CMKLR1: variants seen among roughly 807,000 people sequenced by gnomAD.
The protein encoded by CMKLR1 is chemerin chemokine-like receptor 1.
A neutral mutation model predicts 8.2 loss-of-function variants in CMKLR1; 6 were observed. That is an observed-to-expected ratio of 0.73 (90% CI 0.40 to 1.44). The LOEUF is 1.44. Ranked by LOEUF, CMKLR1 falls within the 40% of genes most tolerant of loss-of-function variation. CMKLR1 has a pLI of 0.02. For synonymous variants in CMKLR1, 178 were observed against 181.2 expected (o/e 0.98, Z 0.14); for missense variants, 429 against 478.0 (o/e 0.90, Z 0.96).
chr12:108,324,112 G>T (rs1021424321), intron 2 of CMKLR1, among the ~76,000 whole-genome samples: 1 of 152,190 alleles, frequency 6.6e-6, no homozygotes, highest in African/African-American at 2.4e-5. Context: ...GTCCCCAGTG[G>T]AAAGGTACTT....
chr12:108,307,514 T>G (rs1891440853), intron 2 of CMKLR1, among the ~76,000 whole-genome samples: 1 of 152,058 alleles, frequency 6.6e-6, no homozygotes, highest in Admixed American at 6.6e-5. Context: ...TGCCAGCGGG[T>G]GGGGAGAAGG....
rs1890863563 is a variant in CMKLR1 at position 108,288,487 on chromosome 12, G to C, written c.*3354C>G. The C allele has an allele frequency of 6.6e-6, 1 of 152,202 alleles. No individual in the cohort carries two copies. The highest frequency in any genetic ancestry group is 2.4e-5 in the African/African-American group (1 of 41,408). 9.4% of individuals were successfully genotyped at this position (152,202 alleles called of 1,614,324 possible). A position where few individuals can be genotyped will look rare whatever the true frequency, so the allele number is the denominator to read the frequency against. On this transcript the variant is annotated 3_prime_UTR_variant, in exon 4 of 4. Transcript: ENST00000550402. ...CCAACCCCACCAGAGCTGACTCTGG[G>C]GTCGAATTTGAGCCAATCCCCTCCC... is the stretch of plus-strand genomic sequence containing the variant.
chr12:108,295,722 C>A (rs1891116600), intron 2 of CMKLR1, among the ~76,000 whole-genome samples: 1 of 152,242 alleles, frequency 6.6e-6, no homozygotes, highest in Non-Finnish European at 1.5e-5. Flanking sequence ...CCTTCCCCTC[C>A]CTCATTGACA....
intron 2 of CMKLR1, among the ~76,000 whole-genome samples, chr12:108,317,205 A>G (rs1171977596): frequency 1.3e-5 from 2 of 152,214 alleles, no homozygotes; most frequent in East Asian, 3.8e-4. Context: ...GGCAGACACA[A>G]GATGAGCTGA....
chr12:108,310,270 C>G (rs1891519453), intron 2 of CMKLR1, among the ~76,000 whole-genome samples: 1 of 151,766 alleles, frequency 6.6e-6, no homozygotes, highest in Non-Finnish European at 1.5e-5. Flanking sequence ...TCCCTGCAAG[C>G]CATCAACTTT....
Position 108,313,768 on chromosome 12 carries a change from G to C in CMKLR1, c.-74+16227C>G, listed in dbSNP as rs140099941. Among the ~76,000 whole-genome samples the C allele has an allele frequency of 4.5e-3, 690 of 152,344 alleles. 6 individuals carry two copies. The highest frequency in any genetic ancestry group is 0.016 in the African/African-American group (661 of 41,578). Reference sequence around the variant, plus strand: ...TATGTCTGGAGTCAGCTATCAGTGAGTTTGAAACCCCCACCAGTAGAACTT... The same window carrying C: ...TATGTCTGGAGTCAGCTATCAGTGACTTTGAAACCCCCACCAGTAGAACTT... On this transcript the variant is annotated intron_variant, in intron 2 of 3. Coordinates refer to ENST00000550402, the MANE Select transcript of CMKLR1 (RefSeq NM_001142343.2).
intron 2 of CMKLR1, among the ~76,000 whole-genome samples, chr12:108,324,045 G>A (rs1414839470): frequency 3.3e-5 from 5 of 152,136 alleles, no homozygotes; most frequent in Non-Finnish European, 7.4e-5. Flanking sequence ...AGAGGTCTAG[G>A]GCTCCAGCAG....
chr12:108,300,018 C>T (rs1593160515), intron 2 of CMKLR1, among the ~76,000 whole-genome samples: 1 of 152,198 alleles, frequency 6.6e-6, no homozygotes, highest in Non-Finnish European at 1.5e-5. Flanking sequence ...GATTAGATAA[C>T]AAGTTATCTG....
chr12:108,314,799 C>A (rs2137322752), intron 2 of CMKLR1, among the ~76,000 whole-genome samples: 1 of 152,030 alleles, frequency 6.6e-6, no homozygotes, highest in South Asian at 2.1e-4. Context: ...GCTATATTGC[C>A]CAAGCTGGTC....
chr12:108,300,672 A>G (rs192323552), intron 2 of CMKLR1, among the ~76,000 whole-genome samples: 4 of 152,326 alleles, frequency 2.6e-5, no homozygotes, highest in African/African-American at 9.6e-5. Context: ...GACCCTGGGC[A>G]CATTACTTAG....
intron 2 of CMKLR1, among the ~76,000 whole-genome samples, chr12:108,300,256 C>T (rs1449707320): frequency 1.3e-5 from 2 of 152,188 alleles, no homozygotes; most frequent in South Asian, 2.1e-4. Context: ...CCAGGGAACA[C>T]GGCCTTTTAC....
chr12:108,303,184 C>A (rs139746455), intron 2 of CMKLR1, among the ~76,000 whole-genome samples: 1 of 152,224 alleles, frequency 6.6e-6, no homozygotes, highest in Admixed American at 6.5e-5. Context: ...GAAGTAACAA[C>A]GTCAGCCCAG....
intron 2 of CMKLR1, among the ~76,000 whole-genome samples, chr12:108,299,919 A>C (rs893550373): frequency 1.2e-4 from 18 of 152,210 alleles, no homozygotes; most frequent in African/African-American, 4.3e-4. Flanking sequence ...CTGGAAAACA[A>C]ATACACTCCC....
chr12:108,329,760 C>T (rs1322720592), intron 2 of CMKLR1, among the ~76,000 whole-genome samples: 1 of 152,174 alleles, frequency 6.6e-6, no homozygotes, highest in Non-Finnish European at 1.5e-5. Flanking sequence ...CTCCCTGTAT[C>T]CCATGCTCCT....
chr12:108,338,987 C>G (rs1056197667), intron 1 of CMKLR1, 40 bp downstream of exon 1: 6 of 152,160 alleles, frequency 3.9e-5, no homozygotes, highest in African/African-American at 1.4e-4. Flanking sequence ...CCTTCCCTGG[C>G]CCCCCTCAGA....
At chr12:108,332,045 T>C (rs1267002341) in intron 1 of CMKLR1, among the ~76,000 whole-genome samples, 1 of 152,242 alleles carries the variant, frequency 6.6e-6, no homozygotes, top group Non-Finnish European at 1.5e-5. Flanking sequence ...TAGATTCTGA[T>C]AACTGTTCAA....
chr12:108,295,918 T>A (rs1891121653), intron 2 of CMKLR1, among the ~76,000 whole-genome samples: 1 of 152,192 alleles, frequency 6.6e-6, no homozygotes, highest in Admixed American at 6.5e-5. Flanking sequence ...GGGGCCAGGC[T>A]GGGCTGGCAC....
intron 2 of CMKLR1, among the ~76,000 whole-genome samples, chr12:108,300,257 G>A (rs975359710): frequency 9.9e-5 from 15 of 152,174 alleles, no homozygotes; most frequent in African/African-American, 2.4e-4. Flanking sequence ...CAGGGAACAC[G>A]GCCTTTTACA....
intron 2 of CMKLR1, among the ~76,000 whole-genome samples, chr12:108,321,088 A>G (rs533666039): frequency 5.3e-5 from 8 of 152,274 alleles, no homozygotes; most frequent in African/African-American, 1.4e-4. Flanking sequence ...GCAGAGCACA[A>G]TGCTCACTCC....
Sources: gnomAD v4.1 joint callset for allele counts (sites outside exome capture counted in the v4.1 genomes callset) on GRCh38, gnomAD v4.1.1 for gene constraint, MANE v1.5 for transcripts, NCBI Gene and HGNC (gene_info 2026-07-23, HGNC 2026-07-21) for gene names.